ONECUT3: variants seen among roughly 807,000 people sequenced by gnomAD.
ONECUT3 encodes one cut homeobox 3.
Under a neutral mutation model 16.8 loss-of-function variants are expected in ONECUT3, and 11 were observed. That is an observed-to-expected ratio of 0.66 (90% CI 0.41 to 1.09). The LOEUF is 1.09. ONECUT3 is among the 50% of genes least tolerant of loss of function. The pLI is 0.00. For synonymous variants in ONECUT3, 344 were observed against 310.7 expected (o/e 1.11, Z -1.13); for missense variants, 637 against 629.9 (o/e 1.01, Z -0.12).
chr19:1,763,162 G>C (rs1023521453), intron 1 of ONECUT3, among the ~76,000 whole-genome samples: 2 of 151,658 alleles, frequency 1.3e-5, no homozygotes, highest in African/African-American at 4.8e-5. Flanking sequence ...CCAGGAGTTC[G>C]AGACCAGCCT....
rs1268597854 is a variant in ONECUT3, at chr19:1,754,317, C to T, written c.655C>T (p.Pro219Ser). 9.5e-7 allele frequency: 1 copy of T among 1,052,452 alleles called. No individual in the cohort carries two copies. The allele number at this position is 1,052,452 out of a possible 1,614,324, so 65.2% of individuals were successfully genotyped here. A position where few individuals can be genotyped will look rare whatever the true frequency, so the allele number is the denominator to read the frequency against. Residue 219 changes from proline (P) to serine (S), a missense_variant, in exon 1 of 2, where the codon CCG (proline) becomes TCG (serine). Physicochemically the swap from Pro to Ser is moderately conservative, Grantham distance 74 (BLOSUM62 -1). Around this residue, in one of 3 missense-constraint regions of ONECUT3, gnomAD observed 419 missense variants for 377.9 expected, o/e 1.11. Coordinates refer to ENST00000382349, the MANE Select transcript of ONECUT3 (RefSeq NM_001080488.2). The surrounding 1 kb of genome is among the most constrained non-coding windows in gnomAD (Gnocchi z 7.4). ...GCACGGCGCCCCGCAGCCCCCGCCG[C>T]CGCCACCACCCCCGCCGCTGGCCGC... ...ALHGAPQPPP[P>S]PPPPPLAAYG...
intron 1 of ONECUT3, among the ~76,000 whole-genome samples, chr19:1,769,154 G>A (rs2068029832): frequency 6.6e-6 from 1 of 150,964 alleles, no homozygotes; most frequent in Non-Finnish European, 1.5e-5. Flanking sequence ...CGTGGCGGTG[G>A]AGGTGGTGAA....
At position 1,759,037 on chromosome 19, in the gene ONECUT3, A is replaced by T. The variant is rs2067932682; in HGVS notation, c.1192+4183A>T. The stretch of plus-strand genomic sequence containing the variant: ...GGCAGGAGCCCAGAATCCCTGAGGG[A>T]TGGTGGAGCCCAGCATGGAGGAAAC... On this transcript the variant is annotated intron_variant, in intron 1 of 1. Coordinates refer to ENST00000382349, the MANE Select transcript of ONECUT3 (RefSeq NM_001080488.2). This position sits in a 1 kb window ranked among gnomAD's most constrained non-coding sequence, Gnocchi z 4.1. 6.6e-6 allele frequency among the ~76,000 whole-genome samples: 1 copy of T among 151,892 alleles called. No homozygotes were observed. Among genetic ancestry groups the T allele is most frequent in the Non-Finnish European group, 1.5e-5 (1 of 67,954 alleles).
chr19:1,760,168 A>G (rs1476574993), intron 1 of ONECUT3, among the ~76,000 whole-genome samples: 2 of 152,182 alleles, frequency 1.3e-5, no homozygotes, highest in African/African-American at 4.8e-5. Context: ...GCTGAGGCCG[A>G]AGAGAAAGGC....
rs1358228662 is a variant in ONECUT3 at position 1,754,607 on chromosome 19, C to A, written c.945C>A (p.Gly315=). 12 of 1,374,074 alleles carry A rather than the reference C, an allele frequency of 8.7e-6. No homozygotes were observed. Among genetic ancestry groups the A allele is most frequent in the Non-Finnish European group, 9.5e-6 (10 of 1,053,594 alleles). The allele number at this position is 1,374,074 out of a possible 1,614,324, so 85.1% of individuals were successfully genotyped here. Residue 315 remains glycine, a synonymous_variant, in exon 1 of 2, where the codon GGC becomes GGA. Coordinates refer to ENST00000382349, the MANE Select transcript of ONECUT3 (RefSeq NM_001080488.2). This position sits in a 1 kb window ranked among gnomAD's most constrained non-coding sequence, Gnocchi z 7.4. ...GGAGCGGCGGCGGCCCCAGCGCGGG[C>A]GCAGCGGCCGAGGAGATCAACACCA... ...PGGSGGGPSA[G]AAAEEINTKE...
chr19:1,777,019 CGAAAGA>C lies in ONECUT3; in HGVS notation c.*1577_*1582del, dbSNP rs1400575215. 1 of 124,244 alleles carries C rather than the reference CGAAAGA, an allele frequency of 8.0e-6. No homozygotes were observed. The highest frequency in any genetic ancestry group is 3.5e-5 in the African/African-American group (1 of 28,546). 7.7% of individuals were successfully genotyped at this position (124,244 alleles called of 1,614,324 possible). On this transcript the variant is annotated 3_prime_UTR_variant, in exon 2 of 2. Transcript: ENST00000382349. ...TGCCACCCCTTCCCGAACCTGAGAG[CGAAAGA>C]GAGAGAGAGAGAGAGGGAGAGAGAG...
Position 1,775,514 on chromosome 19 carries a change from A to G in ONECUT3, c.*69A>G, listed in dbSNP as rs963105924. On this transcript the variant is annotated 3_prime_UTR_variant, in exon 2 of 2. Transcript: ENST00000382349. ...CTGTGCCCCCACGTCACCTCCCCAC[A>G]TCCTGCCGGCCCGGAGACCCGCCCC... 60 of 1,371,286 alleles carry G rather than the reference A, an allele frequency of 4.4e-5. No individual in the cohort carries two copies. The highest frequency in any genetic ancestry group is 5.5e-5 in the Non-Finnish European group (58 of 1,064,178). The allele number at this position is 1,371,286 out of a possible 1,614,324, so 84.9% of individuals were successfully genotyped here. A position where few individuals can be genotyped will look rare whatever the true frequency, so the allele number is the denominator to read the frequency against.
chr19:1,770,051 A>G (rs1256491633), intron 1 of ONECUT3, among the ~76,000 whole-genome samples: 1 of 152,090 alleles, frequency 6.6e-6, no homozygotes, highest in Non-Finnish European at 1.5e-5. Flanking sequence ...GGGGTGGCTC[A>G]CATTCTCTGA....
chr19:1,778,008 A>AG lies in ONECUT3; in HGVS notation c.*2563_*2564insG, dbSNP rs1276818493. Reference sequence around the variant, plus strand: ...AAAACTCCCTCTCAAAAAAAAAAAAAAAAAAAAAAACTTTAGGTCCAAGAA... The same window carrying AG: ...AAAACTCCCTCTCAAAAAAAAAAAAAGAAAAAAAAAACTTTAGGTCCAAGAA... On this transcript the variant is annotated 3_prime_UTR_variant, in exon 2 of 2. Transcript: ENST00000382349. 1 of 151,634 alleles carries AG rather than the reference A, an allele frequency of 6.6e-6. No homozygotes were observed. 9.4% of individuals were successfully genotyped at this position (151,634 alleles called of 1,614,324 possible). A position where few individuals can be genotyped will look rare whatever the true frequency, so the allele number is the denominator to read the frequency against.
chr19:1,767,032 G>A (rs1479267067), intron 1 of ONECUT3, among the ~76,000 whole-genome samples: 1 of 151,924 alleles, frequency 6.6e-6, no homozygotes, highest in African/African-American at 2.4e-5. Context: ...AGAGGCCATT[G>A]CTCCTGGGCG....
intron 1 of ONECUT3, among the ~76,000 whole-genome samples, chr19:1,761,595 G>T (rs2067946478): frequency 6.6e-6 from 1 of 152,238 alleles, no homozygotes; most frequent in Admixed American, 6.5e-5. Flanking sequence ...CTGAGCAGCT[G>T]TTAGGAGGGA....
Position 1,776,075 on chromosome 19 carries a change from T to G in ONECUT3, c.*630T>G, listed in dbSNP as rs970824981. The stretch of plus-strand genomic sequence containing the variant: ...GGCCGAGAACTGAGCTGCCCCTCTC[T>G]GCGGCCAGGATTCCTCGTGCCAAGA... On this transcript the variant is annotated 3_prime_UTR_variant, in exon 2 of 2. Transcript: ENST00000382349. The surrounding 1 kb of genome is among the most constrained non-coding windows in gnomAD (Gnocchi z 4.9). 1 of 152,292 alleles carries G rather than the reference T, an allele frequency of 6.6e-6. No individual in the cohort carries two copies. Among genetic ancestry groups the G allele is most frequent in the Non-Finnish European group, 1.5e-5 (1 of 68,122 alleles). The allele number at this position is 152,292 out of a possible 1,614,324, so 9.4% of individuals were successfully genotyped here. A position where few individuals can be genotyped will look rare whatever the true frequency, so the allele number is the denominator to read the frequency against.
At chr19:1,774,518 A>C (rs2068086508) in intron 1 of ONECUT3, among the ~76,000 whole-genome samples, 1 of 151,954 alleles carries the variant, frequency 6.6e-6, no homozygotes, top group Non-Finnish European at 1.5e-5. Flanking sequence ...CCTAGTAATT[A>C]ACCAGTTATT....
At chr19:1,772,056 C>A (rs563912494) in intron 1 of ONECUT3, among the ~76,000 whole-genome samples, 35 of 150,830 alleles carry the variant, frequency 2.3e-4, no homozygotes, top group Non-Finnish European at 4.1e-4. Context: ...GCTCTGTTGC[C>A]CAGGCTGGAG....
rs2067904487 is a variant in ONECUT3, at chr19:1,754,253, G to A, written c.591G>A (p.Ser197=). ...PYGKELPAMG[S]PLSPLPNALP... The stretch of plus-strand genomic sequence containing the variant: ...GCAAGGAGCTGCCCGCCATGGGGTC[G>A]CCGCTGTCGCCGCTGCCCAACGCGC... Residue 197 remains serine, a synonymous_variant, in exon 1 of 2, where the codon TCG becomes TCA. Transcript: ENST00000382349. This position sits in a 1 kb window ranked among gnomAD's most constrained non-coding sequence, Gnocchi z 7.4. The A allele has an allele frequency of 2.8e-6, 3 of 1,066,628 alleles. No homozygotes were observed. Among genetic ancestry groups the A allele is most frequent in the South Asian group, 3.7e-5 (1 of 27,070 alleles). 66.1% of individuals were successfully genotyped at this position (1,066,628 alleles called of 1,614,324 possible). A position where few individuals can be genotyped will look rare whatever the true frequency, so the allele number is the denominator to read the frequency against.
In ONECUT3 at chr19:1,764,896, G is replaced by A. The variant is rs1474404147; in HGVS notation, c.1192+10042G>A. On this transcript the variant is annotated intron_variant, in intron 1 of 1. Coordinates refer to ENST00000382349, the MANE Select transcript of ONECUT3 (RefSeq NM_001080488.2). The surrounding 1 kb of genome is among the most constrained non-coding windows in gnomAD (Gnocchi z 5.0). ...GCAGGGCAGCTGGTGGCGGGGACAGGACGCGTCGCCAAGGAAACCGGTCAT... is the reference window on the plus strand; with the variant it reads ...GCAGGGCAGCTGGTGGCGGGGACAGAACGCGTCGCCAAGGAAACCGGTCAT... Among the ~76,000 whole-genome samples, 2 of 152,072 alleles carry A rather than the reference G, an allele frequency of 1.3e-5. No homozygotes were observed. The highest frequency in any genetic ancestry group is 2.9e-5 in the Non-Finnish European group (2 of 67,982).
intron 1 of ONECUT3, among the ~76,000 whole-genome samples, chr19:1,756,488 G>GTGCA (rs2067916818): frequency 6.6e-6 from 1 of 152,124 alleles, no homozygotes; most frequent in African/African-American, 2.4e-5. Context: ...GGCCCTCGAG[G>GTGCA]TGCAGTGCGA....
intron 1 of ONECUT3, among the ~76,000 whole-genome samples, chr19:1,770,711 G>C (rs2068046507): frequency 6.6e-6 from 1 of 152,222 alleles, no homozygotes; most frequent in Non-Finnish European, 1.5e-5. Context: ...GGAGGACTGG[G>C]TCCTCTCCTG....
chr19:1,754,577 CGGCGGGAGCGGCGGCGGCCCCAGCGCG>C lies in ONECUT3; in HGVS notation c.920_946del (p.Gly307_Gly315del). On this transcript the variant is annotated inframe_deletion, in exon 1 of 2. Coordinates refer to ENST00000382349, the MANE Select transcript of ONECUT3 (RefSeq NM_001080488.2). This position sits in a 1 kb window ranked among gnomAD's most constrained non-coding sequence, Gnocchi z 7.4. ...GGCCGCACGGGGGAGGCGGCGGCCC[CGGCGGGAGCGGCGGCGGCCCCAGCGCG>C]GGCGCAGCGGCCGAGGAGATCAACA... The C allele has an allele frequency of 8.3e-7, 1 of 1,208,218 alleles. No individual in the cohort carries two copies. Among genetic ancestry groups the C allele is most frequent in the Non-Finnish European group, 1.0e-6 (1 of 965,114 alleles). The allele number at this position is 1,208,218 out of a possible 1,614,324, so 74.8% of individuals were successfully genotyped here. A position where few individuals can be genotyped will look rare whatever the true frequency, so the allele number is the denominator to read the frequency against.
Sources: allele counts gnomAD v4.1 joint callset (sites outside exome capture counted in the v4.1 genomes callset), GRCh38; gene constraint gnomAD v4.1.1; regional missense constraint gnomAD v4.1.1; non-coding constraint Gnocchi (gnomAD v3.1); transcripts MANE v1.5; gene names NCBI Gene and HGNC (gene_info 2026-07-23, HGNC 2026-07-21).